Variants in CPNE8 observed in about 807,000 individuals in gnomAD.
The protein encoded by CPNE8 is copine-8.
In CPNE8, 45 loss-of-function variants were observed where a neutral mutation model predicts 81.5. The ratio of observed to expected loss-of-function variants is 0.55; its 90% CI spans 0.44 to 0.71. The LOEUF is 0.71. CPNE8 is among the 30% of genes least tolerant of loss of function. The pLI is 0.00. For synonymous variants in CPNE8, 252 were observed against 226.3 expected, an observed-to-expected ratio of 1.11 and a Z score of -1.02; for missense variants, 594 against 672.1, an observed-to-expected ratio of 0.88 and a Z score of 1.28.
upstream of CPNE8, chr12:38,906,675 G>C (rs1408234915): frequency 1.6e-5 from 14 of 894,150 alleles, no homozygotes; most frequent in South Asian, 1.5e-4. Context: ...AGACGGAGTC[G>C]TGGCAAAAGC....
chr12:38,678,921 A>G (rs533792696), intron 16 of CPNE8, among the ~76,000 whole-genome samples: 2 of 152,004 alleles, frequency 1.3e-5, no homozygotes, highest in Admixed American at 1.3e-4. Flanking sequence ...GTAGTAACAC[A>G]ACCAGTGGAA....
intron 3 of CPNE8, among the ~76,000 whole-genome samples, chr12:38,867,279 A>C (rs10506130): frequency 6.6e-6 from 1 of 150,874 alleles, no homozygotes; most frequent in Non-Finnish European, 1.5e-5. Flanking sequence ...TTTACAAAAA[A>C]GTCCTTGATG....
chr12:38,707,256 G>A (rs1007384726), intron 13 of CPNE8, among the ~76,000 whole-genome samples: 4 of 152,282 alleles, frequency 2.6e-5, no homozygotes, highest in East Asian at 1.9e-4. Flanking sequence ...TGAGGCTGCG[G>A]TGAGCTATAC....
chr12:38,809,702 AG>A (rs1256441188), intron 6 of CPNE8, among the ~76,000 whole-genome samples: 2 of 152,182 alleles, frequency 1.3e-5, no homozygotes, highest in Non-Finnish European at 2.9e-5. Context: ...ACACAAATTC[AG>A]TTCAAAAATC....
chr12:38,810,374 A>G (rs1942909967), intron 6 of CPNE8, among the ~76,000 whole-genome samples: 1 of 152,100 alleles, frequency 6.6e-6, no homozygotes, highest in South Asian at 2.1e-4. Context: ...GAATATTCTA[A>G]TTGTATATCT....
chr12:38,672,804 A>T (rs1939204984), intron 18 of CPNE8, among the ~76,000 whole-genome samples: 1 of 152,230 alleles, frequency 6.6e-6, no homozygotes, highest in Admixed American at 6.5e-5. Flanking sequence ...AGTTAAATTT[A>T]AATAATCTAA....
intron 3 of CPNE8, among the ~76,000 whole-genome samples, chr12:38,867,543 A>G (rs1359155909): frequency 6.6e-6 from 1 of 152,156 alleles, no homozygotes; most frequent in Non-Finnish European, 1.5e-5. Flanking sequence ...GTAGTTCATA[A>G]ACAACTTCCA....
At chr12:38,737,110 G>C (rs985775560) in intron 10 of CPNE8, among the ~76,000 whole-genome samples, 1 of 151,518 alleles carries the variant, frequency 6.6e-6, no homozygotes, top group Admixed American at 6.6e-5. Flanking sequence ...TTTTTTCAGA[G>C]TAATGGGAAT....
intron 16 of CPNE8, among the ~76,000 whole-genome samples, chr12:38,679,225 A>G (rs1939358440): frequency 6.6e-6 from 1 of 151,870 alleles, no homozygotes; most frequent in African/African-American, 2.4e-5. Flanking sequence ...CCAGATTAAA[A>G]AACAATACAG....
At chr12:38,776,450 G>T in intron 6 of CPNE8, 149 bp from the exon 7 acceptor site, 1 of 244,848 alleles carries the variant, frequency 4.1e-6, no homozygotes, top group Non-Finnish European at 7.6e-6. Context: ...ATTTTGAGTA[G>T]CTGGGATTAC....
chr12:38,711,685 T>G (rs1418807869), intron 13 of CPNE8, among the ~76,000 whole-genome samples: 1 of 152,014 alleles, frequency 6.6e-6, no homozygotes, highest in Admixed American at 6.5e-5. Flanking sequence ...GCCAGGCTGG[T>G]CTCAAACTCC....
intron 13 of CPNE8, among the ~76,000 whole-genome samples, chr12:38,704,193 A>G (rs1384640026): frequency 6.6e-6 from 1 of 152,108 alleles, no homozygotes; most frequent in African/African-American, 2.4e-5. Flanking sequence ...TGTAACCTTA[A>G]CCTCAGCATC....
At chr12:38,662,033 A>C (rs1452612086) in intron 19 of CPNE8, among the ~76,000 whole-genome samples, 1 of 152,180 alleles carries the variant, frequency 6.6e-6, no homozygotes, top group Non-Finnish European at 1.5e-5. Context: ...CAATATGACA[A>C]ACCCACAGCT....
chr12:38,758,012 A>G (rs773799669), intron 10 of CPNE8, among the ~76,000 whole-genome samples: 74 of 152,092 alleles, frequency 4.9e-4, no homozygotes, highest in Admixed American at 8.5e-4. Context: ...TGATGACCCA[A>G]TGACAAAATA....
chr12:38,771,298 CAA>C (rs56772312), intron 7 of CPNE8, among the ~76,000 whole-genome samples: 53 of 131,372 alleles, frequency 4.0e-4, no homozygotes, highest in African/African-American at 4.9e-4. Context: ...ACATCTCTAT[CAA>C]AAAAAAAAAA....
intron 8 of CPNE8, among the ~76,000 whole-genome samples, chr12:38,763,053 T>A (rs1941604691): frequency 1.3e-5 from 2 of 152,180 alleles, no homozygotes; most frequent in African/African-American, 4.8e-5. Flanking sequence ...GAGACGATGT[T>A]GCACCATCTT....
chr12:38,777,932 G>A (rs541856494), intron 6 of CPNE8, among the ~76,000 whole-genome samples: 11 of 152,176 alleles, frequency 7.2e-5, no homozygotes, highest in Admixed American at 3.3e-4. Context: ...TCATAGGAAC[G>A]TGAACCCTAT....
intron 6 of CPNE8, among the ~76,000 whole-genome samples, chr12:38,791,285 C>A (rs77047059): frequency 6.6e-6 from 1 of 151,564 alleles, no homozygotes; most frequent in Non-Finnish European, 1.5e-5. Flanking sequence ...GACCTTTTCT[C>A]ATCTCAGGTA....
chr12:38,868,482 G>A (rs1943946883), intron 3 of CPNE8, among the ~76,000 whole-genome samples: 1 of 151,990 alleles, frequency 6.6e-6, no homozygotes, highest in Non-Finnish European at 1.5e-5. Context: ...AAATGACTAG[G>A]AAACTCTTTG....
Sources: gnomAD v4.1 joint callset for allele counts (sites outside exome capture counted in the v4.1 genomes callset) on GRCh38, gnomAD v4.1.1 for gene constraint, MANE v1.5 for transcripts, NCBI Gene and HGNC (gene_info 2026-07-23, HGNC 2026-07-21) for gene names.